STK32A: variants seen among roughly 807,000 people sequenced by gnomAD.
The protein encoded by STK32A is serine/threonine kinase 32A.
In STK32A, 41 loss-of-function variants were observed where a neutral mutation model predicts 53.2. The observed-to-expected ratio is 0.77, with a 90% CI of 0.60 to 1.00. STK32A has a LOEUF of 1.00. Ranked by LOEUF, STK32A falls within the 50% of genes least tolerant of loss-of-function variation. The pLI is 0.00. For missense variants in STK32A, 458 were observed against 485.8 expected, an observed-to-expected ratio of 0.94 and a Z score of 0.54; for synonymous variants, 166 against 162.8, an observed-to-expected ratio of 1.02 and a Z score of -0.15.
chr5:147,350,035 C>G (rs777654264), intron 6 of STK32A, among the ~76,000 whole-genome samples: 8 of 151,384 alleles, frequency 5.3e-5, no homozygotes, highest in African/African-American at 1.9e-4. Flanking sequence ...CACTTGAACC[C>G]GGGAGGCGGA....
intron 4 of STK32A, among the ~76,000 whole-genome samples, chr5:147,300,794 T>C (rs1465132297): frequency 6.6e-6 from 1 of 152,206 alleles, no homozygotes; most frequent in Admixed American, 6.5e-5. Flanking sequence ...TTACTTAGTT[T>C]CCTCACCTGT....
At chr5:147,318,099 T>G (rs1475444071) in intron 4 of STK32A, among the ~76,000 whole-genome samples, 1 of 152,152 alleles carries the variant, frequency 6.6e-6, no homozygotes, top group Non-Finnish European at 1.5e-5. Context: ...TTTCCTTTTG[T>G]GTTTGTGTGT....
At chr5:147,337,599 TA>T (rs1445850253) in intron 5 of STK32A, among the ~76,000 whole-genome samples, 1 of 152,138 alleles carries the variant, frequency 6.6e-6, no homozygotes, top group Non-Finnish European at 1.5e-5. Flanking sequence ...GACAAATAGT[TA>T]CTCGAGCACC....
At chr5:147,283,539 A>G (rs1316974941) in intron 4 of STK32A, among the ~76,000 whole-genome samples, 1 of 152,122 alleles carries the variant, frequency 6.6e-6, no homozygotes, top group Non-Finnish European at 1.5e-5. Context: ...AAATTGGTAG[A>G]CTATTGGCAA....
At chr5:147,311,651 C>T (rs986225728) in intron 4 of STK32A, among the ~76,000 whole-genome samples, 16 of 152,164 alleles carry the variant, frequency 1.1e-4, no homozygotes, top group South Asian at 6.2e-4. Context: ...ACTTCAGTCT[C>T]GAACTCCTGG....
At chr5:147,242,386 T>G (rs1753619493) in intron 2 of STK32A, among the ~76,000 whole-genome samples, 1 of 152,248 alleles carries the variant, frequency 6.6e-6, no homozygotes, top group Non-Finnish European at 1.5e-5. Flanking sequence ...CCCCATGTTC[T>G]GATGATGGAA....
Position 147,248,465 on chromosome 5 carries a change from A to G in STK32A, c.52+8779A>G, listed in dbSNP as rs543052113. Among the ~76,000 whole-genome samples the G allele has an allele frequency of 2.0e-5, 3 of 152,332 alleles. No homozygotes were observed. The South Asian group carries it at 6.2e-4, about 32-fold the overall frequency. ...GTAAGATATATTATTTAATGGCCAC[A>G]CAACCTAAATTCAATTAAATGGTTA... is the stretch of plus-strand genomic sequence containing the variant. On this transcript the variant is annotated intron_variant, in intron 2 of 12. Coordinates refer to ENST00000397936, the MANE Select transcript of STK32A (RefSeq NM_001112724.2).
chr5:147,374,950 G>A (rs956971436), intron 10 of STK32A, 140 bp from the exon 11 acceptor site: 7 of 621,908 alleles, frequency 1.1e-5, no homozygotes, highest in African/African-American at 3.8e-5. Flanking sequence ...AATAAATAAC[G>A]TAAAACTTAG....
In STK32A at chr5:147,239,585, T is replaced by C; in HGVS notation, c.-50T>C. On this transcript the variant is annotated 5_prime_UTR_variant, in exon 2 of 13. Coordinates refer to ENST00000397936, the MANE Select transcript of STK32A (RefSeq NM_001112724.2). ...ACATGTTTTGAGCGAAGATGGGTGT[T>C]TCTGCCCGGATAGTATAAATCGAGG... 6.8e-7 allele frequency: 1 copy of C among 1,474,650 alleles called. No homozygotes were observed. Among genetic ancestry groups the C allele is most frequent in the Non-Finnish European group, 9.3e-7 (1 of 1,078,226 alleles). 91.3% of individuals were successfully genotyped at this position (1,474,650 alleles called of 1,614,324 possible). A position where few individuals can be genotyped will look rare whatever the true frequency, so the allele number is the denominator to read the frequency against.
At chr5:147,252,723 T>C (rs1754050383) in intron 2 of STK32A, among the ~76,000 whole-genome samples, 1 of 152,196 alleles carries the variant, frequency 6.6e-6, no homozygotes, top group South Asian at 2.1e-4. Context: ...CTGTTTTCAT[T>C]TGCAACCCCA....
At position 147,380,264 on chromosome 5, in the gene STK32A, C is replaced by T. The variant is rs142272894; in HGVS notation, c.1033-3177C>T. On this transcript the variant is annotated intron_variant, in intron 11 of 12. Transcript: ENST00000397936. The stretch of plus-strand genomic sequence containing the variant: ...TATGTTTATCCTGTAGCTGCCTGTC[C>T]CCTGTGACCGATACTGGAAACCCTC... 1.1e-3 allele frequency among the ~76,000 whole-genome samples: 167 copies of T among 152,070 alleles called. 1 individual carries two copies. Among genetic ancestry groups the T allele is most frequent in the South Asian group, 2.5e-3 (12 of 4,816 alleles).
At chr5:147,254,714 G>A (rs900298613) in intron 2 of STK32A, among the ~76,000 whole-genome samples, 1 of 152,160 alleles carries the variant, frequency 6.6e-6, no homozygotes, top group Admixed American at 6.5e-5. Context: ...GAGAATGACG[G>A]GGTGAGGGCT....
intron 2 of STK32A, among the ~76,000 whole-genome samples, chr5:147,251,269 A>G (rs185890065): frequency 1.5e-3 from 230 of 152,272 alleles, no homozygotes; most frequent in African/African-American, 5.3e-3. Context: ...TCTCATCAAC[A>G]CCCACCTCCA....
At chr5:147,381,006 A>C (rs879904812) in intron 11 of STK32A, among the ~76,000 whole-genome samples, 7 of 152,040 alleles carry the variant, frequency 4.6e-5, no homozygotes, top group Admixed American at 1.3e-4. Flanking sequence ...CGAGAGCTTT[A>C]TTTCTCCGTA....
intron 3 of STK32A, among the ~76,000 whole-genome samples, chr5:147,278,467 G>A (rs34654409): frequency 0.057 from 8,665 of 152,228 alleles, 327 homozygotes; most frequent in Non-Finnish European, 0.088. Flanking sequence ...AGGAGATGAA[G>A]ATTTCAGAAT....
At chr5:147,371,695 TG>T (rs1403497190) in intron 9 of STK32A, among the ~76,000 whole-genome samples, 38 of 152,200 alleles carry the variant, frequency 2.5e-4, no homozygotes, top group African/African-American at 9.2e-4. Flanking sequence ...TCTAAACACA[TG>T]ATCAATGGAC....
At chr5:147,284,857 G>A (rs902792724) in intron 4 of STK32A, among the ~76,000 whole-genome samples, 3 of 152,066 alleles carry the variant, frequency 2.0e-5, no homozygotes, top group African/African-American at 4.8e-5. Context: ...AATCAGTATT[G>A]TGAAAAATAA....
In STK32A at chr5:147,322,856, A is replaced by G. The variant is rs538293799; in HGVS notation, c.261-1042A>G. Among the ~76,000 whole-genome samples the G allele has an allele frequency of 3.3e-5, 5 of 152,208 alleles. No homozygotes were observed. The East Asian group carries it at 9.7e-4, about 30-fold the overall frequency. On this transcript the variant is annotated intron_variant, in intron 4 of 12. Transcript: ENST00000397936. ...CTACACTCCTTCCTGTGTGAAGCCC[A>G]TGTCTGATCCTGCCTAATTCAGTGA...
intron 2 of STK32A, among the ~76,000 whole-genome samples, chr5:147,257,592 C>G (rs894672847): frequency 6.6e-6 from 1 of 152,054 alleles, no homozygotes; most frequent in Non-Finnish European, 1.5e-5. Flanking sequence ...CTGTGGCCCA[C>G]AACTCTGGAG....
Sources: allele counts gnomAD v4.1 joint callset (sites outside exome capture counted in the v4.1 genomes callset), GRCh38; gene constraint gnomAD v4.1.1; transcripts MANE v1.5; gene names NCBI Gene and HGNC (gene_info 2026-07-23, HGNC 2026-07-21).